The following EDIL3 variants were observed in gnomAD, a reference collection of about 807,000 sequenced individuals.
EDIL3 encodes the protein EGF like and discoidin domains 3.
In EDIL3, 37 loss-of-function variants were observed where a neutral mutation model predicts 67.4. That is an observed-to-expected ratio of 0.55 (90% CI 0.42 to 0.72). The LOEUF (loss-of-function observed/expected upper bound fraction) is 0.72. Ranked by LOEUF, EDIL3 falls within the 30% of genes least tolerant of loss-of-function variation. The probability of loss-of-function intolerance (pLI) is 0.00; values close to 1 mark genes in which losing one functional copy is unlikely to be tolerated. For synonymous variants in EDIL3, 195 were observed against 196.3 expected (o/e 0.99, Z 0.05); for missense variants, 527 against 586.3 (o/e 0.90, Z 1.04).
rs1342698573 is a variant in EDIL3 at position 84,107,490 on chromosome 5, C to A, written c.470-660G>T. Reference sequence around the variant, plus strand: ...AACTCTCTGACAACATTATACATGACAATGTGTACAACTCAGTAAATCAAG... The same window carrying A: ...AACTCTCTGACAACATTATACATGAAAATGTGTACAACTCAGTAAATCAAG... On this transcript the variant is annotated intron_variant, in intron 5 of 10. Transcript: ENST00000296591. 4.6e-5 allele frequency among the ~76,000 whole-genome samples: 7 copies of A among 151,484 alleles called. No homozygotes were observed. The South Asian group carries it at 1.2e-3, about 27-fold the overall frequency.
intron 6 of EDIL3, among the ~76,000 whole-genome samples, chr5:84,076,958 G>A (rs903388331): frequency 3.3e-5 from 5 of 152,192 alleles, no homozygotes; most frequent in African/African-American, 9.6e-5. Flanking sequence ...CAGCAAAAGT[G>A]CTTTATGCAT....
chr5:83,956,471 C>A (rs1222926248), intron 10 of EDIL3, among the ~76,000 whole-genome samples: 1 of 151,734 alleles, frequency 6.6e-6, no homozygotes, highest in Non-Finnish European at 1.5e-5. Context: ...TCACACTACT[C>A]ATTGATGACA....
At chr5:84,328,889 C>T (rs1296896343) in intron 1 of EDIL3, among the ~76,000 whole-genome samples, 2 of 151,988 alleles carry the variant, frequency 1.3e-5, no homozygotes, top group Non-Finnish European at 2.9e-5. Flanking sequence ...TGGGAACTTT[C>T]TACTCTTCTG....
intron 9 of EDIL3, among the ~76,000 whole-genome samples, chr5:84,002,386 G>A (rs1745346947): frequency 6.6e-6 from 1 of 152,132 alleles, no homozygotes; most frequent in South Asian, 2.1e-4. Context: ...AGAAGATAAG[G>A]ATGCCCACTT....
At chr5:84,238,415 G>A (rs531428455) in intron 2 of EDIL3, among the ~76,000 whole-genome samples, 1 of 152,042 alleles carries the variant, frequency 6.6e-6, no homozygotes, top group South Asian at 2.1e-4. Flanking sequence ...AAAAAACAGT[G>A]GGCAGGTCTA....
chr5:84,291,065 A>G (rs571454202), intron 1 of EDIL3, among the ~76,000 whole-genome samples: 1 of 152,314 alleles, frequency 6.6e-6, no homozygotes. Flanking sequence ...TTCAATATGT[A>G]GTACTAGAAA....
chr5:84,134,563 G>A (rs559940295), intron 5 of EDIL3, among the ~76,000 whole-genome samples: 15 of 152,194 alleles, frequency 9.9e-5, no homozygotes, highest in African/African-American at 3.1e-4. Context: ...CCCACAGTAA[G>A]CAAATTCTCT....
intron 9 of EDIL3, among the ~76,000 whole-genome samples, chr5:84,013,242 C>T (rs1051308053): frequency 7.2e-5 from 11 of 151,762 alleles, no homozygotes; most frequent in African/African-American, 2.7e-4. Context: ...GTATAGGACA[C>T]ATTAAGGCAA....
chr5:83,988,610 C>G (rs1377209209), intron 9 of EDIL3, among the ~76,000 whole-genome samples: 1 of 152,116 alleles, frequency 6.6e-6, no homozygotes, highest in Admixed American at 6.6e-5. Flanking sequence ...CCTCTCTGAG[C>G]TGTTTCTTCT....
chr5:84,293,777 C>T (rs1745975736), intron 1 of EDIL3, among the ~76,000 whole-genome samples: 1 of 149,264 alleles, frequency 6.7e-6, no homozygotes, highest in South Asian at 2.1e-4. Context: ...TGGATTAAGA[C>T]TGTTTTTTTT....
rs146073281 is a variant in EDIL3, at chr5:84,179,264, G to C, written c.355+1129C>G. Among the ~76,000 whole-genome samples, 417 of 152,284 alleles carry C rather than the reference G, an allele frequency of 2.7e-3. 3 individuals carry two copies. Among genetic ancestry groups the C allele is most frequent in the African/African-American group, 9.8e-3 (406 of 41,564 alleles). ...GTGTGAAGGCTGAGCAGTGATGCTAGCTAGCATCAGGGAGACCTAGCCTTG... is the reference window on the plus strand; with the variant it reads ...GTGTGAAGGCTGAGCAGTGATGCTACCTAGCATCAGGGAGACCTAGCCTTG... On this transcript the variant is annotated intron_variant, in intron 4 of 10. Transcript: ENST00000296591.
At chr5:84,337,335 T>C (rs1190100989) in intron 1 of EDIL3, among the ~76,000 whole-genome samples, 2 of 152,164 alleles carry the variant, frequency 1.3e-5, no homozygotes, top group East Asian at 1.9e-4. Context: ...GGTAAAAAGC[T>C]AATGAAAACT....
At chr5:84,005,678 T>C (rs1227473174) in intron 9 of EDIL3, among the ~76,000 whole-genome samples, 1 of 151,966 alleles carries the variant, frequency 6.6e-6, no homozygotes, top group Admixed American at 6.6e-5. Context: ...ATACCTCAAA[T>C]AATAAGAACG....
intron 1 of EDIL3, among the ~76,000 whole-genome samples, chr5:84,382,142 C>A (rs1469880811): frequency 6.6e-6 from 1 of 152,186 alleles, no homozygotes; most frequent in Non-Finnish European, 1.5e-5. Flanking sequence ...GCAAAATGGT[C>A]TATTTATTTT....
chr5:84,245,932 AAT>A (rs1287820013), intron 2 of EDIL3, among the ~76,000 whole-genome samples: 20 of 139,100 alleles, frequency 1.4e-4, no homozygotes, highest in Middle Eastern at 3.6e-3. Flanking sequence ...AAAAAAAAAA[AAT>A]CTAAGTTTTT....
intron 1 of EDIL3, among the ~76,000 whole-genome samples, chr5:84,332,798 G>A (rs1347249210): frequency 6.6e-6 from 1 of 152,044 alleles, no homozygotes; most frequent in Non-Finnish European, 1.5e-5. Context: ...CAAAGAGCTG[G>A]AACTATAATT....
chr5:84,335,845 G>A lies in EDIL3; in HGVS notation c.67+48463C>T, dbSNP rs114775913. On this transcript the variant is annotated intron_variant, in intron 1 of 10. Transcript: ENST00000296591. Reference sequence around the variant, plus strand: ...AAATTTTTTTGTCACAGTTCTGGGGGCTGGGAAGTCCAAGATCAAGATGTC... The same window carrying A: ...AAATTTTTTTGTCACAGTTCTGGGGACTGGGAAGTCCAAGATCAAGATGTC... 1.8e-3 allele frequency among the ~76,000 whole-genome samples: 271 copies of A among 152,210 alleles called. 1 individual carries two copies. The highest frequency in any genetic ancestry group is 3.3e-3 in the Non-Finnish European group (222 of 67,982).
intron 9 of EDIL3, among the ~76,000 whole-genome samples, chr5:84,005,637 A>G (rs1461858681): frequency 6.6e-6 from 1 of 152,146 alleles, no homozygotes; most frequent in Non-Finnish European, 1.5e-5. Context: ...CTTCTTGTTA[A>G]AACCCACAAC....
At chr5:84,161,267 G>A (rs1011723305) in intron 4 of EDIL3, among the ~76,000 whole-genome samples, 4 of 151,872 alleles carry the variant, frequency 2.6e-5, no homozygotes, top group Non-Finnish European at 5.9e-5. Flanking sequence ...TAGATAAACT[G>A]TTCCCAACAT....
Sources: gnomAD v4.1 joint callset for allele counts (sites outside exome capture counted in the v4.1 genomes callset) on GRCh38, gnomAD v4.1.1 for gene constraint, MANE v1.5 for transcripts, NCBI Gene and HGNC (gene_info 2026-07-23, HGNC 2026-07-21) for gene names.